The following ROBO2 variants were observed in gnomAD, a reference collection of about 807,000 sequenced individuals.
ROBO2 encodes the protein roundabout homolog 2.
Under a neutral mutation model 160.8 loss-of-function variants are expected in ROBO2, and 53 were observed. That is an observed-to-expected ratio of 0.33 (90% CI 0.26 to 0.41). ROBO2 has a LOEUF of 0.41. Ranked by LOEUF, ROBO2 falls within the 10% of genes least tolerant of loss-of-function variation. The pLI is 1.00. For synonymous variants in ROBO2, 664 were observed against 611.7 expected (o/e 1.09, Z -1.26); for missense variants, 1,577 against 1,722.4 (o/e 0.92, Z 1.49).
chr3:77,497,705 CAA>C (rs2086985192), intron 5 of ROBO2, among the ~76,000 whole-genome samples: 1 of 151,982 alleles, frequency 6.6e-6, no homozygotes, highest in Non-Finnish European at 1.5e-5. Flanking sequence ...CATCTTTTCA[CAA>C]AGTGTTTTAT....
Position 76,530,124 on chromosome 3 carries a change from C to T in ROBO2, c.110-567890C>T, listed in dbSNP as rs1383853215. Reference sequence around the variant, plus strand: ...CCCTCTTTCTGCCTCAACAGGCCTGCACCTGCATGTCTACCTTACTTTGGT... The same window carrying T: ...CCCTCTTTCTGCCTCAACAGGCCTGTACCTGCATGTCTACCTTACTTTGGT... On this transcript the variant is annotated intron_variant, in intron 2 of 26. Transcript: ENST00000487694. 2.0e-5 allele frequency among the ~76,000 whole-genome samples: 3 copies of T among 152,186 alleles called. No homozygotes were observed. In the East Asian group the frequency reaches 5.8e-4, roughly 29 times the overall value.
At chr3:76,703,937 G>A (rs928767058) in intron 2 of ROBO2, among the ~76,000 whole-genome samples, 1 of 151,644 alleles carries the variant, frequency 6.6e-6, no homozygotes, top group Non-Finnish European at 1.5e-5. Flanking sequence ...GAATTAAAAT[G>A]TTATTGCTTA....
At chr3:76,857,407 G>GA (rs1293276271) in intron 2 of ROBO2, among the ~76,000 whole-genome samples, 1 of 152,088 alleles carries the variant, frequency 6.6e-6, no homozygotes, top group Non-Finnish European at 1.5e-5. Flanking sequence ...ACATACTGAA[G>GA]AAAAATCTAA....
chr3:77,023,897 T>TA (rs149430187), intron 2 of ROBO2, among the ~76,000 whole-genome samples: 1 of 152,152 alleles, frequency 6.6e-6, no homozygotes, highest in Admixed American at 6.5e-5. Context: ...AATAGCATAA[T>TA]AAAAAATCCC....
chr3:77,209,108 A>G (rs2083784614), intron 2 of ROBO2, among the ~76,000 whole-genome samples: 1 of 152,208 alleles, frequency 6.6e-6, no homozygotes, highest in African/African-American at 2.4e-5. Flanking sequence ...TTGTACAGAT[A>G]TTCATCTATT....
chr3:77,075,931 G>T (rs1386347603), intron 1 of ROBO2, among the ~76,000 whole-genome samples: 2 of 151,758 alleles, frequency 1.3e-5, no homozygotes, highest in Non-Finnish European at 2.9e-5. Flanking sequence ...ACCTGCCTCG[G>T]CCTCCCAAAG....
intron 2 of ROBO2, among the ~76,000 whole-genome samples, chr3:75,982,981 T>G (rs1486162581): frequency 1.3e-5 from 2 of 151,520 alleles, no homozygotes. Flanking sequence ...CGACTAGCAC[T>G]CGCAATGTGA....
chr3:77,294,124 A>C (rs2061691857), intron 2 of ROBO2, among the ~76,000 whole-genome samples: 1 of 141,620 alleles, frequency 7.1e-6, no homozygotes, highest in Admixed American at 7.4e-5. Context: ...AGGCTAGATC[A>C]CCCCAGACAT....
At chr3:77,574,082 A>G (rs1218107314) in intron 13 of ROBO2, among the ~76,000 whole-genome samples, 2 of 152,016 alleles carry the variant, frequency 1.3e-5, no homozygotes, top group Non-Finnish European at 2.9e-5. Flanking sequence ...ATGAGAATGG[A>G]AATCCCTGAC....
At chr3:76,515,670 C>G (rs936276514) in intron 2 of ROBO2, among the ~76,000 whole-genome samples, 14 of 152,124 alleles carry the variant, frequency 9.2e-5, no homozygotes, top group African/African-American at 3.1e-4. Flanking sequence ...TATTCTGTGT[C>G]TGGCACTGTG....
chr3:76,110,605 A>G (rs748877813), intron 2 of ROBO2, among the ~76,000 whole-genome samples: 1 of 152,118 alleles, frequency 6.6e-6, no homozygotes, highest in Non-Finnish European at 1.5e-5. Flanking sequence ...TTGGTTATCT[A>G]TTTAAGTCCT....
chr3:77,379,799 T>A (rs2073195206), intron 2 of ROBO2, among the ~76,000 whole-genome samples: 1 of 152,168 alleles, frequency 6.6e-6, no homozygotes, highest in Non-Finnish European at 1.5e-5. Flanking sequence ...TCCATCCAGA[T>A]GCCCTTTCCT....
chr3:77,163,933 C>A (rs55757307), intron 2 of ROBO2, among the ~76,000 whole-genome samples: 61,877 of 152,018 alleles, frequency 0.41, 13,108 homozygotes, highest in Middle Eastern at 0.54. Flanking sequence ...TATTCATATA[C>A]ACATAGAGTT....
chr3:76,875,974 C>T (rs771722931), intron 2 of ROBO2, among the ~76,000 whole-genome samples: 13 of 152,002 alleles, frequency 8.6e-5, no homozygotes, highest in Non-Finnish European at 1.8e-4. Context: ...CTTATAAAGA[C>T]CCTATGATTA....
At chr3:77,384,094 C>T (rs1354727698) in intron 2 of ROBO2, among the ~76,000 whole-genome samples, 1 of 152,040 alleles carries the variant, frequency 6.6e-6, no homozygotes, top group Non-Finnish European at 1.5e-5. Context: ...ACCTAAAAAG[C>T]ATGGTGAGTT....
intron 2 of ROBO2, among the ~76,000 whole-genome samples, chr3:76,220,331 A>G (rs1005348636): frequency 6.6e-6 from 1 of 151,876 alleles, no homozygotes; most frequent in Non-Finnish European, 1.5e-5. Flanking sequence ...GTATAATAAT[A>G]ATAATAAAAG....
chr3:76,254,422 A>G (rs1196955487), intron 2 of ROBO2, among the ~76,000 whole-genome samples: 1 of 152,120 alleles, frequency 6.6e-6, no homozygotes, highest in Non-Finnish European at 1.5e-5. Flanking sequence ...CAAACTTCAT[A>G]TTTTTGTAAG....
intron 6 of ROBO2, among the ~76,000 whole-genome samples, chr3:77,533,278 C>T (rs6806214): frequency 0.051 from 7,783 of 152,060 alleles, 329 homozygotes; most frequent in East Asian, 0.17. Flanking sequence ...CTTTATACTC[C>T]CTGCTTCATA....
intron 2 of ROBO2, among the ~76,000 whole-genome samples, chr3:77,415,755 C>T (rs762523147): frequency 1.2e-4 from 18 of 152,072 alleles, no homozygotes; most frequent in South Asian, 8.3e-4. Context: ...TCAGAGATGC[C>T]GGTAACCACA....
Sources: gnomAD v4.1 joint callset for allele counts (sites outside exome capture counted in the v4.1 genomes callset) on GRCh38, gnomAD v4.1.1 for gene constraint, MANE v1.5 for transcripts, NCBI Gene and HGNC (gene_info 2026-07-23, HGNC 2026-07-21) for gene names.